Variants in ISM1 observed in about 807,000 individuals in gnomAD.
ISM1 encodes the protein isthmin 1, also known as isthmin-1.
In ISM1, 25 loss-of-function variants were observed where a neutral mutation model predicts 46.3. That is an observed-to-expected ratio of 0.54 (90% CI 0.39 to 0.75). ISM1 has a LOEUF of 0.75. Ranked by LOEUF, ISM1 falls within the 30% of genes least tolerant of loss-of-function variation. The probability of loss-of-function intolerance (pLI) is 0.00; values close to 1 mark genes in which losing one functional copy is unlikely to be tolerated. For synonymous variants in ISM1, 255 were observed against 256.7 expected (o/e 0.99, Z 0.06); for missense variants, 536 against 625.4 (o/e 0.86, Z 1.52).
At chr20:13,306,855 T>C in the ISM1 span, among the ~76,000 whole-genome samples, 1 of 152,052 alleles carries the variant, frequency 6.6e-6, no homozygotes, top group East Asian at 1.9e-4. Context: ...AAGAACGAGG[T>C]GTCCCATGCT....
intron 1 of ISM1, among the ~76,000 whole-genome samples, chr20:13,246,241 T>G (rs571676162): frequency 6.6e-6 from 1 of 151,396 alleles, no homozygotes; most frequent in Non-Finnish European, 1.5e-5. Context: ...CCACTGCACT[T>G]TAGCCTGGGC....
chr20:13,263,629 A>G (rs890233032), intron 1 of ISM1, among the ~76,000 whole-genome samples: 7 of 152,180 alleles, frequency 4.6e-5, no homozygotes, highest in African/African-American at 1.7e-4. Context: ...TCCAGACAAA[A>G]TCGATGCTCG....
Position 13,274,837 on chromosome 20 carries a change from G to A in ISM1, c.378+4094G>A, listed in dbSNP as rs539363093. Among the ~76,000 whole-genome samples the A allele has an allele frequency of 1.5e-3, 235 of 152,338 alleles. 1 individual carries two copies. Among genetic ancestry groups the A allele is most frequent in the Non-Finnish European group, 1.3e-3 (87 of 68,036 alleles). On this transcript the variant is annotated intron_variant, in intron 2 of 5. Coordinates refer to ENST00000262487, the MANE Select transcript of ISM1 (RefSeq NM_080826.2). Reference sequence around the variant, plus strand: ...TTAAGACTGGCTTCAAGCTGTGGAAGTGAGGAGGGGAAGAAAATGCGCAAA... The same window carrying A: ...TTAAGACTGGCTTCAAGCTGTGGAAATGAGGAGGGGAAGAAAATGCGCAAA...
chr20:13,298,491 T>C (rs542869553), intron 5 of ISM1, among the ~76,000 whole-genome samples: 1 of 152,298 alleles, frequency 6.6e-6, no homozygotes, highest in East Asian at 1.9e-4. Flanking sequence ...CGGATCACGG[T>C]TATCTAGGAA....
the ISM1 span, among the ~76,000 whole-genome samples, chr20:13,311,243 T>TGATAGATAGATA: frequency 7.0e-4 from 89 of 127,918 alleles, no homozygotes; most frequent in South Asian, 1.1e-3. Flanking sequence ...GATAGATAGA[T>TGATAGATAGATA]GATAGATAGA....
the ISM1 span, among the ~76,000 whole-genome samples, chr20:13,321,029 T>C: frequency 6.6e-6 from 1 of 151,782 alleles, no homozygotes; most frequent in African/African-American, 2.4e-5. Flanking sequence ...TGGAACCCTG[T>C]CTCTACTGAA....
the ISM1 span, among the ~76,000 whole-genome samples, chr20:13,313,069 C>T: frequency 6.6e-6 from 1 of 152,150 alleles, no homozygotes; most frequent in African/African-American, 2.4e-5. Context: ...TGATCTTCAC[C>T]AGTCAGTTCT....
intron 1 of ISM1, among the ~76,000 whole-genome samples, chr20:13,259,213 G>A (rs142857793): frequency 0.094 from 14,251 of 151,260 alleles, 853 homozygotes; most frequent in East Asian, 0.19. Context: ...CCCAGGAGGC[G>A]GAGGTTGCAG....
the ISM1 span, among the ~76,000 whole-genome samples, chr20:13,317,997 G>GA: frequency 6.6e-6 from 1 of 151,776 alleles, no homozygotes; most frequent in Admixed American, 6.6e-5. Context: ...CTGTCTGCAT[G>GA]AAAAAACAAG....
At chr20:13,301,855 C>G (rs2040461002), downstream of ISM1, among the ~76,000 whole-genome samples, 1 of 152,098 alleles carries the variant, frequency 6.6e-6, no homozygotes. Context: ...ACAAAACCCT[C>G]TGATGTGTTT....
At chr20:13,312,520 A>C in the ISM1 span, among the ~76,000 whole-genome samples, 27 of 152,302 alleles carry the variant, frequency 1.8e-4, no homozygotes, top group South Asian at 5.4e-3. Context: ...TAGACTCGGA[A>C]CCATGTTCTA....
intron 1 of ISM1, among the ~76,000 whole-genome samples, chr20:13,270,132 A>G (rs1003509371): frequency 2.0e-5 from 3 of 152,246 alleles, no homozygotes; most frequent in African/African-American, 7.2e-5. Flanking sequence ...TAGAGCTATA[A>G]CTAAAGCCAA....
Position 13,299,497 on chromosome 20 carries a change from C to A in ISM1, c.*38C>A. ...GAGGTGGAGGACGCTGCCTCTGGTT[C>A]TGGAGCACACACGTGCTGCACTGAC... On this transcript the variant is annotated 3_prime_UTR_variant, in exon 6 of 6. Transcript: ENST00000262487. This position sits in a 1 kb window ranked among gnomAD's most constrained non-coding sequence, Gnocchi z 5.8. 6.4e-7 allele frequency: 1 copy of A among 1,560,060 alleles called. No individual in the cohort carries two copies. The highest frequency in any genetic ancestry group is 1.2e-5 in the South Asian group (1 of 86,054).
At chr20:13,313,414 ACTATTCAAACC>A in the ISM1 span, among the ~76,000 whole-genome samples, 1 of 152,230 alleles carries the variant, frequency 6.6e-6, no homozygotes, top group Non-Finnish European at 1.5e-5. Flanking sequence ...CAGGCAGCCA[ACTATTCAAACC>A]CTGTTCAAAT....
chr20:13,270,147 G>T (rs1035019007), intron 1 of ISM1, among the ~76,000 whole-genome samples: 1 of 152,184 alleles, frequency 6.6e-6, no homozygotes. Context: ...AGCCAAGGTG[G>T]TTAATCAGTT....
At chr20:13,272,359 C>A (rs796839579) in intron 2 of ISM1, among the ~76,000 whole-genome samples, 80 of 152,312 alleles carry the variant, frequency 5.3e-4, no homozygotes, top group African/African-American at 1.9e-3. Context: ...GGAATACCAA[C>A]CCCCGCTGTA....
intron 1 of ISM1, among the ~76,000 whole-genome samples, chr20:13,268,546 C>A (rs909051899): frequency 6.6e-6 from 1 of 152,192 alleles, no homozygotes; most frequent in African/African-American, 2.4e-5. Flanking sequence ...AACAAAGACA[C>A]TGCCCCCGGC....
At chr20:13,324,884 G>A in the ISM1 span, among the ~76,000 whole-genome samples, 66 of 152,136 alleles carry the variant, frequency 4.3e-4, no homozygotes, top group African/African-American at 1.5e-3. Context: ...CCCCAGGAAG[G>A]CAAAGAGACT....
At chr20:13,309,888 A>G in the ISM1 span, among the ~76,000 whole-genome samples, 3 of 152,218 alleles carry the variant, frequency 2.0e-5, no homozygotes, top group Non-Finnish European at 4.4e-5. Flanking sequence ...AACCAAATGG[A>G]TGAAAGATCT....
Sources: gnomAD v4.1 joint callset for allele counts (sites outside exome capture counted in the v4.1 genomes callset) on GRCh38, gnomAD v4.1.1 for gene constraint, Gnocchi (gnomAD v3.1) non-coding constraint, MANE v1.5 for transcripts, NCBI Gene and HGNC (gene_info 2026-07-23, HGNC 2026-07-21) for gene names.